STXBP6: variants seen among roughly 807,000 people sequenced by gnomAD.
The protein encoded by STXBP6 is syntaxin binding protein 6, also known as syntaxin-binding protein 6.
In STXBP6, 21 loss-of-function variants were observed where a neutral mutation model predicts 26.9. The observed-to-expected ratio is 0.78, with a 90% CI of 0.55 to 1.12. The LOEUF (loss-of-function observed/expected upper bound fraction) is 1.12, where lower values mean the gene tolerates loss of function less well. Ranked by LOEUF, STXBP6 falls within the 50% of genes most tolerant of loss-of-function variation. The pLI is 0.00. For missense variants in STXBP6, 232 were observed against 257.9 expected (o/e 0.90, Z 0.69); for synonymous variants, 97 against 92.6 (o/e 1.05, Z -0.27).
At chr14:24,887,455 T>C (rs2139491428) in intron 2 of STXBP6, among the ~76,000 whole-genome samples, 1 of 152,356 alleles carries the variant, frequency 6.6e-6, no homozygotes, top group South Asian at 2.1e-4. Flanking sequence ...CCCTTCTTCC[T>C]AAAATCTATA....
chr14:24,998,210 GA>G (rs1481865628), intron 1 of STXBP6, among the ~76,000 whole-genome samples: 1 of 152,132 alleles, frequency 6.6e-6, no homozygotes, highest in Non-Finnish European at 1.5e-5. Context: ...TCTGATAAAT[GA>G]AAAATGGCAT....
At chr14:24,884,086 A>C (rs1005810431) in intron 2 of STXBP6, among the ~76,000 whole-genome samples, 1 of 152,202 alleles carries the variant, frequency 6.6e-6, no homozygotes, top group Non-Finnish European at 1.5e-5. Context: ...TCTGCCAAAA[A>C]AAAAGGTGGG....
Position 25,033,616 on chromosome 14 carries a change from T to C in STXBP6, c.-33+16262A>G, listed in dbSNP as rs546952511. ...ACATTCCATCACCTCCATAATGCCA[T>C]CTCCCTCCCTCTTTAACTCTACTTA... On this transcript the variant is annotated intron_variant, in intron 1 of 5. Transcript: ENST00000323944. 5.3e-5 allele frequency among the ~76,000 whole-genome samples: 8 copies of C among 152,236 alleles called. No individual in the cohort carries two copies. The South Asian group carries it at 1.7e-3, about 32-fold the overall frequency.
At chr14:25,047,100 G>T (rs1310543151) in intron 1 of STXBP6, among the ~76,000 whole-genome samples, 6 of 152,160 alleles carry the variant, frequency 3.9e-5, no homozygotes, top group South Asian at 4.1e-4. Context: ...GATCTATTCT[G>T]TCCTCCAACC....
chr14:24,861,569 A>C (rs2069538326), intron 2 of STXBP6, among the ~76,000 whole-genome samples: 1 of 152,196 alleles, frequency 6.6e-6, no homozygotes, highest in African/African-American at 2.4e-5. Flanking sequence ...ATCCATGAGA[A>C]ACAAATATCA....
chr14:24,843,215 G>A (rs2068839211), intron 4 of STXBP6, among the ~76,000 whole-genome samples: 1 of 152,116 alleles, frequency 6.6e-6, no homozygotes, highest in Non-Finnish European at 1.5e-5. Flanking sequence ...AAAATTGCCT[G>A]GTATATAGTA....
At chr14:24,821,975 T>C (rs2068147535) in intron 4 of STXBP6, among the ~76,000 whole-genome samples, 1 of 152,152 alleles carries the variant, frequency 6.6e-6, no homozygotes, top group African/African-American at 2.4e-5. Context: ...CTCTTCTCCT[T>C]TGCACTCTAC....
chr14:25,047,003 G>A (rs2075737824), intron 1 of STXBP6, among the ~76,000 whole-genome samples: 1 of 152,210 alleles, frequency 6.6e-6, no homozygotes, highest in African/African-American at 2.4e-5. Context: ...GTCGTGGGGT[G>A]TACTTCATGC....
intron 1 of STXBP6, among the ~76,000 whole-genome samples, chr14:25,031,095 T>C (rs918611162): frequency 6.6e-6 from 1 of 152,206 alleles, no homozygotes; most frequent in Non-Finnish European, 1.5e-5. Flanking sequence ...TGCCAAATTT[T>C]GTAAATATTT....
intron 1 of STXBP6, chr14:24,987,744 G>C (rs1316617692): frequency 1.4e-6 from 1 of 733,864 alleles, no homozygotes; most frequent in Non-Finnish European, 1.7e-6. Flanking sequence ...ATAATGGCAA[G>C]AGCCAAGTCA....
chr14:24,826,389 A>G (rs532114555), intron 4 of STXBP6, among the ~76,000 whole-genome samples: 2 of 152,164 alleles, frequency 1.3e-5, no homozygotes, highest in South Asian at 2.1e-4. Context: ...TAGACACTGA[A>G]CCTTAGCCAT....
chr14:24,939,524 T>C (rs2072727555), intron 2 of STXBP6, among the ~76,000 whole-genome samples: 1 of 152,208 alleles, frequency 6.6e-6, no homozygotes, highest in Non-Finnish European at 1.5e-5. Context: ...ACTGAGAACT[T>C]TCTGCTATTC....
chr14:24,905,279 T>C (rs932611905), intron 2 of STXBP6, among the ~76,000 whole-genome samples: 7 of 152,344 alleles, frequency 4.6e-5, no homozygotes, highest in African/African-American at 1.7e-4. Context: ...TTACACAAGA[T>C]ACCCTCAGGT....
intron 2 of STXBP6, among the ~76,000 whole-genome samples, chr14:24,972,040 T>C (rs1381550935): frequency 6.6e-6 from 1 of 152,206 alleles, no homozygotes; most frequent in East Asian, 1.9e-4. Context: ...TGGCTGCTTC[T>C]TTGTCACTTA....
At chr14:25,002,822 G>T (rs1204540841) in intron 1 of STXBP6, among the ~76,000 whole-genome samples, 1 of 151,920 alleles carries the variant, frequency 6.6e-6, no homozygotes, top group East Asian at 1.9e-4. Context: ...GGCTGGGCAG[G>T]TTCAAGTGAT....
At chr14:24,866,709 T>C (rs1690451555) in intron 2 of STXBP6, among the ~76,000 whole-genome samples, 1 of 151,598 alleles carries the variant, frequency 6.6e-6, no homozygotes. Flanking sequence ...GTTGTTAAGA[T>C]GGCAATAATC....
At chr14:24,876,454 G>A (rs2070147247) in intron 2 of STXBP6, among the ~76,000 whole-genome samples, 1 of 152,098 alleles carries the variant, frequency 6.6e-6, no homozygotes, top group Non-Finnish European at 1.5e-5. Flanking sequence ...AATTATTCCA[G>A]TGCCCCTGCC....
At chr14:25,007,097 G>T (rs958696569) in intron 1 of STXBP6, among the ~76,000 whole-genome samples, 6 of 152,280 alleles carry the variant, frequency 3.9e-5, no homozygotes, top group Non-Finnish European at 7.4e-5. Flanking sequence ...CAAATGACCT[G>T]CTCTATGACT....
chr14:24,873,294 TA>T (rs36025216), intron 2 of STXBP6, among the ~76,000 whole-genome samples: 41,887 of 148,042 alleles, frequency 0.28, 5,891 homozygotes, highest in South Asian at 0.4. Flanking sequence ...TACATTTAGA[TA>T]AAAAAAAAAA....
Sources: allele counts gnomAD v4.1 joint callset (sites outside exome capture counted in the v4.1 genomes callset), GRCh38; gene constraint gnomAD v4.1.1; transcripts MANE v1.5; gene names NCBI Gene and HGNC (gene_info 2026-07-23, HGNC 2026-07-21).